The following MPZL2 variants were observed in gnomAD, a reference collection of about 807,000 sequenced individuals.
The protein encoded by MPZL2 is myelin protein zero-like protein 2.
Under a neutral mutation model 24.5 loss-of-function variants are expected in MPZL2, and 32 were observed. The ratio of observed to expected loss-of-function variants is 1.31; its 90% CI spans 0.99 to 1.76. The LOEUF (loss-of-function observed/expected upper bound fraction) is 1.76. Among genes scored for constraint, MPZL2 ranks in the 40% most tolerant of loss-of-function variants. The probability of loss-of-function intolerance (pLI) is 0.00; values close to 1 mark genes in which losing one functional copy is unlikely to be tolerated. For missense variants in MPZL2, 304 were observed against 274.9 expected, an observed-to-expected ratio of 1.11 and a Z score of -0.75; for synonymous variants, 92 against 97.9, an observed-to-expected ratio of 0.94 and a Z score of 0.36.
At position 118,260,105 on chromosome 11, in the gene MPZL2, T is replaced by G; in HGVS notation, c.533A>C (p.Tyr178Ser). Residue 178 changes from tyrosine to serine, a missense_variant, in exon 4 of 6, where the codon TAC becomes TCC. Tyr to Ser is a moderately radical substitution (Grantham distance 144). Transcript: ENST00000278937. ...TCTTTCGGCCCATCGCTTTTTCCGGTAATGCTGGAAGAGGACCACTACAAT... is the reference window on the plus strand; with the variant it reads ...TCTTTCGGCCCATCGCTTTTTCCGGGAATGCTGGAAGAGGACCACTACAAT... ...IVIVVVLFQH[Y>S]RKKRWAERAH... The G allele has an allele frequency of 6.2e-7, 1 of 1,614,090 alleles. No individual in the cohort carries two copies. Among genetic ancestry groups the G allele is most frequent in the South Asian group, 1.1e-5 (1 of 91,078 alleles).
At chr11:118,258,545 A>C (rs1565499890) in intron 4 of MPZL2, among the ~76,000 whole-genome samples, 2 of 152,222 alleles carry the variant, frequency 1.3e-5, no homozygotes, top group Non-Finnish European at 1.5e-5. Flanking sequence ...TCAAGTCATT[A>C]GAAAAATGCA....
At chr11:118,263,209 T>C in intron 1 of MPZL2, 112 bp from the exon 2 acceptor site, 1 of 1,145,442 alleles carries the variant, frequency 8.7e-7, no homozygotes, top group South Asian at 1.5e-5. Context: ...AAAGTGAAAC[T>C]GAGATGCCCC....
chr11:118,259,928 G>A, intron 4 of MPZL2, 126 bp downstream of exon 4: 1 of 1,114,768 alleles, frequency 9.0e-7, no homozygotes, highest in Non-Finnish European at 1.3e-6. Context: ...TCCTGCAAAT[G>A]TGAATTCTTT....
rs972653453 is a variant in MPZL2, at chr11:118,254,371, A to G, written c.*875T>C. On this transcript the variant is annotated 3_prime_UTR_variant, in exon 6 of 6. Coordinates refer to ENST00000278937, the MANE Select transcript of MPZL2 (RefSeq NM_005797.4). ...TATGCTGTTTCACAATTTTTTTATT[A>G]AATTACTTAATGATTCCAGTCTGCA... is the stretch of plus-strand genomic sequence containing the variant. 1 of 152,212 alleles carries G rather than the reference A, an allele frequency of 6.6e-6. No individual in the cohort carries two copies. Among genetic ancestry groups the G allele is most frequent in the African/African-American group, 2.4e-5 (1 of 41,458 alleles). The allele number at this position is 152,212 out of a possible 1,614,324, so 9.4% of individuals were successfully genotyped here.
At chr11:118,257,085 A>G in intron 5 of MPZL2, 153 bp downstream of exon 5, 1 of 507,150 alleles carries the variant, frequency 2.0e-6, no homozygotes, top group Non-Finnish European at 3.5e-6. Flanking sequence ...CCATAAGACT[A>G]ATAGAAGACT....
Position 118,254,109 on chromosome 11 carries a change from C to A in MPZL2, c.*1137G>T, listed in dbSNP as rs2134726197. The A allele has an allele frequency of 6.6e-6, 1 of 152,366 alleles. No individual in the cohort carries two copies. Among genetic ancestry groups the A allele is most frequent in the African/African-American group, 2.4e-5 (1 of 41,558 alleles). The allele number at this position is 152,366 out of a possible 1,614,324, so 9.4% of individuals were successfully genotyped here. On this transcript the variant is annotated 3_prime_UTR_variant, in exon 6 of 6. Transcript: ENST00000278937. The stretch of plus-strand genomic sequence containing the variant: ...AGCCCACTTATAAAGTTTGCTTTAT[C>A]TACCAGTATGGGGGAAAAAAAGAAT...
Position 118,260,146 on chromosome 11 carries a change from C to T in MPZL2, c.492G>A (p.Leu164=). The change falls in exon 4 of 6, where the codon CTG becomes CTA. Residue 164 remains leucine (L), a synonymous_variant. Transcript: ENST00000278937. ...LALAIGSACA[L]MIIIVIVVVL... ...CCACTACAATTACTATTATGATCATCAGTGCACAGGCAGAGCCAATGGCCA... is the reference window on the plus strand; with the variant it reads ...CCACTACAATTACTATTATGATCATTAGTGCACAGGCAGAGCCAATGGCCA... The T allele has an allele frequency of 6.2e-7, 1 of 1,614,090 alleles. No individual in the cohort carries two copies. The highest frequency in any genetic ancestry group is 1.1e-5 in the South Asian group (1 of 91,086).
chr11:118,256,268 C>T (rs61032668), intron 5 of MPZL2, among the ~76,000 whole-genome samples: 2,085 of 152,066 alleles, frequency 0.014, 40 homozygotes, highest in African/African-American at 0.047. Context: ...TTCTTATGAG[C>T]GTAAAATTTA....
At chr11:118,259,237 C>T (rs2134730771) in intron 4 of MPZL2, 1 of 152,200 alleles carries the variant, frequency 6.6e-6, no homozygotes, top group South Asian at 2.1e-4. Context: ...CAGCATTAGT[C>T]ACAACAGCCA....
intron 4 of MPZL2, among the ~76,000 whole-genome samples, chr11:118,258,195 A>G (rs1360234669): frequency 6.6e-6 from 1 of 152,216 alleles, no homozygotes; most frequent in Non-Finnish European, 1.5e-5. Context: ...AAGAAAACAT[A>G]GCCATAAATC....
In MPZL2 at chr11:118,261,574, T is replaced by C. The variant is rs536157121; in HGVS notation, c.436+864A>G. On this transcript the variant is annotated intron_variant, in intron 3 of 5. Transcript: ENST00000278937. ...ACATATTCACATTTATTATCTCATT[T>C]TATCCTCACTGTGATCCTTACTGTG... is the stretch of plus-strand genomic sequence containing the variant. Among the ~76,000 whole-genome samples, 4 of 152,356 alleles carry C rather than the reference T, an allele frequency of 2.6e-5. No individual in the cohort carries two copies. The East Asian group carries it at 7.7e-4, about 29-fold the overall frequency.
chr11:118,264,004 A>G (rs569799898), intron 1 of MPZL2, 92 bp downstream of exon 1: 9 of 1,371,098 alleles, frequency 6.6e-6, no homozygotes, highest in African/African-American at 1.4e-5. Flanking sequence ...CAGGCTCCCA[A>G]ACAAAAGTCT....
Position 118,262,584 on chromosome 11 carries a change from C to T in MPZL2, c.290G>A (p.Trp97Ter), listed in dbSNP as rs775609064. 9.3e-6 allele frequency: 15 copies of T among 1,614,044 alleles called. No individual in the cohort carries two copies. In the Admixed American group the frequency reaches 2.3e-4, roughly 25 times the overall value. Residue 97 changes from tryptophan to a stop codon, truncating the protein, a stop_gained, in exon 3 of 6, where the codon TGG becomes TAG. Transcript: ENST00000278937. LOFTEE classifies it high-confidence loss of function. Reference protein sequence around the residue: ...MSGRFKDRVSWDGNPERYDAS... With the variant: ...MSGRFKDRVS ...ATCGTACCGCTCAGGATTCCCATCC[C>T]AAGACACCCGGTCCTTAAACCGCCC...
chr11:118,262,927 T>C lies in MPZL2; in HGVS notation c.225+4A>G, dbSNP rs758918376. The C allele has an allele frequency of 1.2e-6, 2 of 1,613,586 alleles. No individual in the cohort carries two copies. Among genetic ancestry groups the C allele is most frequent in the Admixed American group, 1.7e-5 (1 of 59,870 alleles). On this transcript the variant is annotated splice_donor_region_variant and intron_variant, in intron 2 of 5. Coordinates refer to ENST00000278937, the MANE Select transcript of MPZL2 (RefSeq NM_005797.4). The stretch of plus-strand genomic sequence containing the variant: ...ACCCTGGAAAATGATGATAATCTAC[T>C]TACAAACTGCTCAGGTCCCCCGTCT...
intron 4 of MPZL2, 145 bp from the exon 5 acceptor site, chr11:118,257,458 C>T (rs1949668896): frequency 1.0e-5 from 6 of 601,266 alleles, no homozygotes; most frequent in Non-Finnish European, 1.2e-5. Context: ...TTACACAGAG[C>T]TAAACTGGTG....
rs368055379 is a variant in MPZL2 at position 118,262,593 on chromosome 11, C to A, written c.281G>T (p.Arg94Leu). 125 of 1,614,108 alleles carry A rather than the reference C, an allele frequency of 7.7e-5. 1 individual carries two copies. In the South Asian group the frequency reaches 1.3e-3, roughly 17 times the overall value. Residue 94 changes from arginine to leucine, a missense_variant, in exon 3 of 6, where the codon CGG becomes CTG. By Grantham distance (102) the Arg-to-Leu change is moderately radical (BLOSUM62 -2). Transcript: ENST00000278937. Reference sequence around the variant, plus strand: ...CTCAGGATTCCCATCCCAAGACACCCGGTCCTTAAACCGCCCACTCATGGG... The same window carrying A: ...CTCAGGATTCCCATCCCAAGACACCAGGTCCTTAAACCGCCCACTCATGGG... ...FQPMSGRFKD[R>L]VSWDGNPERY...
At position 118,262,718 on chromosome 11, in the gene MPZL2, G is replaced by A. The variant is rs796988868; in HGVS notation, c.226-70C>T. 40 of 1,505,220 alleles carry A rather than the reference G, an allele frequency of 2.7e-5. No homozygotes were observed. In the African/African-American group the frequency reaches 3.0e-4, roughly 11 times the overall value. 93.2% of individuals were successfully genotyped at this position (1,505,220 alleles called of 1,614,324 possible). A position where few individuals can be genotyped will look rare whatever the true frequency, so the allele number is the denominator to read the frequency against. ...GCAAGGAGGCCAAGATGGTGGGAGCGGAAGTGAAACACCAGCAAACCCAAC... is the reference window on the plus strand; with the variant it reads ...GCAAGGAGGCCAAGATGGTGGGAGCAGAAGTGAAACACCAGCAAACCCAAC... On this transcript the variant is annotated intron_variant, in intron 2 of 5. Coordinates refer to ENST00000278937, the MANE Select transcript of MPZL2 (RefSeq NM_005797.4).
At position 118,253,859 on chromosome 11, in the gene MPZL2, A is replaced by AT. The variant is rs1223153335; in HGVS notation, c.*1386dup. The stretch of plus-strand genomic sequence containing the variant: ...CTGAGGTTCATATGTAAATCATACA[A>AT]TTTTTTAAAAAATAGTATTGGAAAA... On this transcript the variant is annotated 3_prime_UTR_variant, in exon 6 of 6. Transcript: ENST00000278937. 1 of 152,602 alleles carries AT rather than the reference A, an allele frequency of 6.6e-6. No homozygotes were observed. The highest frequency in any genetic ancestry group is 1.5e-5 in the Non-Finnish European group (1 of 68,000). 9.5% of individuals were successfully genotyped at this position (152,602 alleles called of 1,614,324 possible).
chr11:118,263,205 A>T, intron 1 of MPZL2, 108 bp from the exon 2 acceptor site: 1 of 1,167,370 alleles, frequency 8.6e-7, no homozygotes, highest in Non-Finnish European at 1.2e-6. Flanking sequence ...AAGTAAAGTG[A>T]AACTGAGATG....
Sources: gnomAD v4.1 joint callset for allele counts (sites outside exome capture counted in the v4.1 genomes callset) on GRCh38, gnomAD v4.1.1 for gene constraint, MANE v1.5 for transcripts, NCBI Gene and HGNC (gene_info 2026-07-23, HGNC 2026-07-21) for gene names.